Variants in ZNF138 observed in about 807,000 individuals in gnomAD.
The protein encoded by ZNF138 is zinc finger protein 138, also known as zinc finger protein 138 (clone pHZ-32).
ZNF138 carries 33 observed loss-of-function variants against 33.0 expected under a neutral mutation model. That is an observed-to-expected ratio of 1.00 (90% CI 0.76 to 1.34). The LOEUF is 1.34. Among genes scored for constraint, ZNF138 ranks in the 40% most tolerant of loss-of-function variants. The pLI, the probability that ZNF138 is intolerant of heterozygous loss-of-function variation, is 0.00. For synonymous variants in ZNF138, 139 were observed against 120.4 expected (o/e 1.15, Z -1.01); for missense variants, 360 against 370.8 (o/e 0.97, Z 0.24).
intron 3 of ZNF138, among the ~76,000 whole-genome samples, chr7:64,818,460 A>G (rs191771160): frequency 1.7e-3 from 263 of 152,016 alleles, no homozygotes; most frequent in Non-Finnish European, 2.7e-3. Flanking sequence ...GTTTCTTTAA[A>G]TGCTTGTTGA....
At chr7:64,817,505 T>C (rs1199877621) in intron 3 of ZNF138, among the ~76,000 whole-genome samples, 1 of 152,144 alleles carries the variant, frequency 6.6e-6, no homozygotes, top group African/African-American at 2.4e-5. Context: ...ATCTCAGAGC[T>C]CTCTTAAAAA....
intron 1 of ZNF138, among the ~76,000 whole-genome samples, chr7:64,814,488 T>G (rs571275651): frequency 1.2e-3 from 177 of 152,164 alleles, no homozygotes; most frequent in Non-Finnish European, 2.2e-3. Context: ...TTTTATGGGC[T>G]GGTCCTGGTG....
At chr7:64,839,429 T>G in the ZNF138 span, among the ~76,000 whole-genome samples, 9,482 of 152,138 alleles carry the variant, frequency 0.062, 337 homozygotes, top group East Asian at 0.14. Flanking sequence ...TCCTGGAGCC[T>G]CGGATCGGCT....
At chr7:64,807,362 C>T (rs1787687703) in intron 1 of ZNF138, among the ~76,000 whole-genome samples, 1 of 152,244 alleles carries the variant, frequency 6.6e-6, no homozygotes, top group African/African-American at 2.4e-5. Flanking sequence ...CCACTTATAA[C>T]TGCTGCTAAT....
intron 1 of ZNF138, among the ~76,000 whole-genome samples, chr7:64,799,736 C>T (rs7781361): frequency 0.63 from 95,185 of 151,940 alleles, 30,279 homozygotes; most frequent in African/African-American, 0.71. Flanking sequence ...CTCGACCTCC[C>T]GGGTTCAAAC....
chr7:64,814,163 A>G (rs1304859215), intron 1 of ZNF138: 1 of 1,129,604 alleles, frequency 8.9e-7, no homozygotes, highest in Non-Finnish European at 1.1e-6. Flanking sequence ...CTTGTTAGAA[A>G]TTTAGAATAT....
chr7:64,815,522 C>G (rs778496160), intron 2 of ZNF138, 54 bp from the exon 3 acceptor site: 27 of 1,521,462 alleles, frequency 1.8e-5, no homozygotes, highest in Non-Finnish European at 9.0e-7. Flanking sequence ...AGAATATGAG[C>G]CAGAGTCATG....
chr7:64,819,621 A>G (rs529858407), intron 3 of ZNF138, among the ~76,000 whole-genome samples: 90 of 152,210 alleles, frequency 5.9e-4, no homozygotes, highest in East Asian at 3.1e-3. Context: ...TGCCCGCCTC[A>G]TCTTCCCAAA....
intron 2 of ZNF138, 82 bp downstream of exon 2, chr7:64,815,126 T>G (rs1353761225): frequency 2.2e-6 from 3 of 1,334,484 alleles, no homozygotes; most frequent in Non-Finnish European, 3.0e-6. Flanking sequence ...TGTCTTTTGG[T>G]AATTTATGCT....
downstream of ZNF138, among the ~76,000 whole-genome samples, chr7:64,837,968 C>A (rs10251096): frequency 1.3e-5 from 2 of 152,126 alleles, no homozygotes; most frequent in African/African-American, 4.8e-5. Flanking sequence ...GCAGTGAAGG[C>A]GTCTGGCGGT....
chr7:64,832,076 C>G lies in ZNF138; in HGVS notation c.834C>G (p.Pro278=). Residue 278 remains proline (P), a synonymous_variant, in exon 4 of 4, where the codon CCC becomes CCG. Transcript: ENST00000307355. ...RHKIIHTEEK[P]YKCEQCGKVF... ...AGATAATTCATACTGAAGAGAAACC[C>G]TACAAATGTGAACAATGTGGCAAGG... 2.5e-6 allele frequency: 4 copies of G among 1,613,716 alleles called. No individual in the cohort carries two copies. Among genetic ancestry groups the G allele is most frequent in the Non-Finnish European group, 3.4e-6 (4 of 1,179,876 alleles).
chr7:64,831,114 A>G (rs1790045599), intron 3 of ZNF138: 1 of 1,550,954 alleles, frequency 6.4e-7, no homozygotes, highest in Non-Finnish European at 8.7e-7. Flanking sequence ...TGAAAAAGAA[A>G]CCAAGAGTTG....
intron 3 of ZNF138, among the ~76,000 whole-genome samples, chr7:64,819,833 G>A (rs1363570755): frequency 6.8e-6 from 1 of 147,666 alleles, no homozygotes; most frequent in African/African-American, 2.7e-5. Context: ...AGGATTTTGG[G>A]AGGCCAAGAC....
chr7:64,839,960 C>T, the ZNF138 span, among the ~76,000 whole-genome samples: 1 of 149,334 alleles, frequency 6.7e-6, no homozygotes, highest in Non-Finnish European at 1.5e-5. Flanking sequence ...AGGTGCAGCG[C>T]ACTTTTATGG....
At chr7:64,835,742 G>A (rs990024498), downstream of ZNF138, 2 of 152,258 alleles carry the variant, frequency 1.3e-5, no homozygotes, top group African/African-American at 4.8e-5. Context: ...AGGGAGGCCA[G>A]GGACTCGGCC....
intron 1 of ZNF138, among the ~76,000 whole-genome samples, chr7:64,808,258 C>T (rs1787771644): frequency 6.6e-6 from 1 of 152,116 alleles, no homozygotes; most frequent in Non-Finnish European, 1.5e-5. Context: ...TTGGTTGGTA[C>T]CCAGATGAGA....
chr7:64,812,162 G>GT (rs60036934), intron 1 of ZNF138, among the ~76,000 whole-genome samples: 4,445 of 141,542 alleles, frequency 0.031, 106 homozygotes, highest in African/African-American at 0.067. Flanking sequence ...AGTTAAGTGG[G>GT]TTTTTTTTTT....
intron 3 of ZNF138, among the ~76,000 whole-genome samples, chr7:64,816,642 T>A (rs961619915): frequency 6.6e-6 from 1 of 152,242 alleles, no homozygotes; most frequent in Admixed American, 6.5e-5. Flanking sequence ...AGCAACGTTT[T>A]ACTTGTCTTC....
chr7:64,832,392 A>G lies in ZNF138; in HGVS notation c.*190A>G, dbSNP rs1315978196. 2.0e-6 allele frequency: 3 copies of G among 1,527,658 alleles called. No homozygotes were observed. The Admixed American group carries it at 6.6e-5, about 33-fold the overall frequency. The allele number at this position is 1,527,658 out of a possible 1,614,324, so 94.6% of individuals were successfully genotyped here. ...CGCAAAGCTCACTGAACATAAGTTA[A>G]TTCATACTGGAGAAAAACCCTACAA... On this transcript the variant is annotated 3_prime_UTR_variant, in exon 4 of 4. Transcript: ENST00000307355.
Sources: allele counts gnomAD v4.1 joint callset (sites outside exome capture counted in the v4.1 genomes callset), GRCh38; gene constraint gnomAD v4.1.1; transcripts MANE v1.5; gene names NCBI Gene and HGNC (gene_info 2026-07-23, HGNC 2026-07-21).